OR56A3: variants seen among roughly 807,000 people sequenced by gnomAD.
OR56A3 encodes olfactory receptor family 56 subfamily A member 3.
OR56A3 carries 23 observed loss-of-function variants against 17.5 expected under a neutral mutation model. The observed-to-expected ratio is 1.32, with a 90% CI of 0.95 to 1.87. The LOEUF (loss-of-function observed/expected upper bound fraction) is 1.87. Among genes scored for constraint, OR56A3 ranks in the 40% most tolerant of loss-of-function variants. The pLI, the probability that OR56A3 is intolerant of heterozygous loss-of-function variation, is 0.00. For synonymous variants in OR56A3, 175 were observed against 150.6 expected (o/e 1.16, Z -1.19); for missense variants, 366 against 380.1 (o/e 0.96, Z 0.31).
chr11:5,999,498 C>T, the OR56A3 span: 1 of 152,140 alleles, frequency 6.6e-6, no homozygotes, highest in Non-Finnish European at 1.5e-5. Flanking sequence ...AAGCGGAGTA[C>T]ACAAATTTAG....
At chr11:5,998,699 T>C in the OR56A3 span, among the ~76,000 whole-genome samples, 8 of 152,150 alleles carry the variant, frequency 5.3e-5, no homozygotes, top group African/African-American at 1.7e-4. Context: ...TAAGACAGCA[T>C]TTATGGACTC....
At chr11:5,961,239 C>T in the OR56A3 span, among the ~76,000 whole-genome samples, 17 of 152,134 alleles carry the variant, frequency 1.1e-4, no homozygotes, top group Non-Finnish European at 1.9e-4. Context: ...GCCGCCACCC[C>T]ATCTGGGAGG....
chr11:5,991,565 A>C, the OR56A3 span, among the ~76,000 whole-genome samples: 4 of 152,186 alleles, frequency 2.6e-5, no homozygotes, highest in African/African-American at 9.7e-5. Context: ...AAATAAGCTT[A>C]AGACTACTAA....
the OR56A3 span, among the ~76,000 whole-genome samples, chr11:5,975,616 A>G: frequency 6.6e-6 from 1 of 152,050 alleles, no homozygotes; most frequent in Non-Finnish European, 1.5e-5. Flanking sequence ...ATTGTTGGAC[A>G]TTTGGCTTGA....
At chr11:5,981,082 G>A in the OR56A3 span, among the ~76,000 whole-genome samples, 1 of 152,106 alleles carries the variant, frequency 6.6e-6, no homozygotes, top group Non-Finnish European at 1.5e-5. Context: ...CTTCTTTCTA[G>A]CTGTCTTTAA....
At chr11:6,008,210 C>G in the OR56A3 span, among the ~76,000 whole-genome samples, 64 of 152,194 alleles carry the variant, frequency 4.2e-4, no homozygotes, top group African/African-American at 1.5e-3. Flanking sequence ...ATGGTTTCCT[C>G]CCCACAACTT....
chr11:5,979,116 A>G, the OR56A3 span, among the ~76,000 whole-genome samples: 1 of 142,220 alleles, frequency 7.0e-6, no homozygotes, highest in South Asian at 2.4e-4. Context: ...TTAGTTAGCT[A>G]GTATTTTTTT....
chr11:6,015,767 T>C, the OR56A3 span, among the ~76,000 whole-genome samples: 1 of 152,216 alleles, frequency 6.6e-6, no homozygotes, highest in South Asian at 2.1e-4. Context: ...AATTTCCTAC[T>C]GCCTGTACCC....
At chr11:5,986,660 G>C in the OR56A3 span, 760 of 1,613,966 alleles carry the variant, frequency 4.7e-4, 5 homozygotes, top group African/African-American at 8.3e-3. Flanking sequence ...GAGGAGGCCA[G>C]AACCAGGTCG....
chr11:5,955,335 C>G (rs948056233), downstream of OR56A3, among the ~76,000 whole-genome samples: 2 of 152,134 alleles, frequency 1.3e-5, no homozygotes, highest in African/African-American at 2.4e-5. Flanking sequence ...AGGAAAACAA[C>G]TAAATGTAGA....
the OR56A3 span, chr11:6,002,133 G>A: frequency 6.2e-7 from 1 of 1,614,102 alleles, no homozygotes; most frequent in Non-Finnish European, 8.5e-7. Context: ...CAGAGCTGGG[G>A]GAATGAGGTG....
the OR56A3 span, among the ~76,000 whole-genome samples, chr11:5,962,855 TCTA>T: frequency 6.6e-6 from 1 of 152,204 alleles, no homozygotes; most frequent in Non-Finnish European, 1.5e-5. Flanking sequence ...GTGAGATACT[TCTA>T]CTACTATCTT....
the OR56A3 span, among the ~76,000 whole-genome samples, chr11:5,970,956 T>TA: frequency 6.6e-6 from 1 of 151,864 alleles, no homozygotes; most frequent in East Asian, 1.9e-4. Context: ...TAAGAAAAAA[T>TA]AAAAAAGGAA....
chr11:5,981,097 T>C, the OR56A3 span, among the ~76,000 whole-genome samples: 3 of 152,206 alleles, frequency 2.0e-5, no homozygotes, highest in East Asian at 1.9e-4. Context: ...CTTTAATACA[T>C]TTTATTTCAT....
the OR56A3 span, among the ~76,000 whole-genome samples, chr11:5,990,906 C>G: frequency 6.6e-6 from 1 of 152,128 alleles, no homozygotes; most frequent in African/African-American, 2.4e-5. Flanking sequence ...TCTGGAAGGT[C>G]TGGGAATTTT....
the OR56A3 span, chr11:5,967,795 C>A: frequency 6.3e-7 from 1 of 1,579,330 alleles, no homozygotes; most frequent in Admixed American, 1.9e-5. Flanking sequence ...ATATCTCCCT[C>A]ACCCTTAATC....
chr11:5,987,036 A>G, the OR56A3 span: 1 of 1,047,982 alleles, frequency 9.5e-7, no homozygotes, highest in Non-Finnish European at 1.4e-6. Context: ...AAAGTTAGCT[A>G]CAGGGAAGAA....
At chr11:5,954,680 A>G (rs1847924136), downstream of OR56A3, among the ~76,000 whole-genome samples, 1 of 152,200 alleles carries the variant, frequency 6.6e-6, no homozygotes, top group African/African-American at 2.4e-5. Context: ...AACCTTAACA[A>G]AGTAACTGGT....
the OR56A3 span, among the ~76,000 whole-genome samples, chr11:5,992,668 G>C: frequency 6.6e-6 from 1 of 152,156 alleles, no homozygotes; most frequent in South Asian, 2.1e-4. Context: ...AGGACAAATA[G>C]GGCTTCTCCA....
Sources: allele counts gnomAD v4.1 joint callset (sites outside exome capture counted in the v4.1 genomes callset), GRCh38; gene constraint gnomAD v4.1.1; transcripts MANE v1.5; gene names NCBI Gene and HGNC (gene_info 2026-07-23, HGNC 2026-07-21).